TIMM8A: variants seen among roughly 807,000 people sequenced by gnomAD.
The protein encoded by TIMM8A is translocase of inner mitochondrial membrane 8A.
Under a neutral mutation model 6.8 loss-of-function variants are expected in TIMM8A, and 2 were observed. The ratio of observed to expected loss-of-function variants is 0.30; its 90% CI spans 0.12 to 0.93. TIMM8A has a LOEUF of 0.93. Ranked by LOEUF, TIMM8A falls within the 40% of genes least tolerant of loss-of-function variation. The pLI is 0.55. For synonymous variants in TIMM8A, 26 were observed against 28.5 expected, an observed-to-expected ratio of 0.91 and a Z score of 0.28; for missense variants, 34 against 75.2, an observed-to-expected ratio of 0.45 and a Z score of 2.02.
Position 101,346,475 on chromosome X carries a change from T to A in TIMM8A, c.*24A>T. 8.3e-7 allele frequency: 1 copy of A among 1,210,358 alleles called. No homozygotes were observed. Among genetic ancestry groups the A allele is most frequent in the Non-Finnish European group, 1.1e-6 (1 of 895,395 alleles). On this transcript the variant is annotated 3_prime_UTR_variant, in exon 2 of 2. Transcript: ENST00000372902. ...CTCTTCATTTCTTGAACTACCTTCCTTTTCCAAAGAGGTAATGCTGAGATC... is the reference window on the plus strand; with the variant it reads ...CTCTTCATTTCTTGAACTACCTTCCATTTCCAAAGAGGTAATGCTGAGATC...
intron 1 of TIMM8A, chrX:101,347,624 T>C (rs1555976256): frequency 9.0e-6 from 1 of 111,098 alleles, no homozygotes; most frequent in Non-Finnish European, 1.9e-5. Context: ...ATCACAGATA[T>C]TTTTAAAAAA....
chrX:101,346,870 T>C, intron 1 of TIMM8A: 2 of 380,761 alleles, frequency 5.3e-6, no homozygotes, highest in South Asian at 1.1e-4. Flanking sequence ...TACTATGGAA[T>C]AGATACTATT....
At chrX:101,347,244 G>A (rs989383789) in intron 1 of TIMM8A, 8 of 110,661 alleles carry the variant, frequency 7.2e-5, no homozygotes, top group African/African-American at 2.0e-4. Context: ...GTTCATCATA[G>A]CTTACAGTTT....
intron 1 of TIMM8A, 152 bp from the exon 2 acceptor site, chrX:101,346,812 C>A: frequency 4.0e-6 from 2 of 502,454 alleles, no homozygotes; most frequent in Non-Finnish European, 6.6e-6. Flanking sequence ...GGCAGCTGAC[C>A]AAGTATATAG....
At chrX:101,348,497 G>C (rs935479833) in intron 1 of TIMM8A, 36 bp downstream of exon 1, 2 of 1,205,698 alleles carry the variant, frequency 1.7e-6, no homozygotes, top group African/African-American at 3.6e-5. Context: ...AGGGAAAGTA[G>C]GTACAGTGTT....
At position 101,348,602 on chromosome X, in the gene TIMM8A, A is replaced by G. The variant is rs1157595722; in HGVS notation, c.63T>C (p.His21=). 2 of 1,208,862 alleles carry G rather than the reference A, an allele frequency of 1.7e-6. No individual in the cohort carries two copies. Among genetic ancestry groups the G allele is most frequent in the Non-Finnish European group, 2.2e-6 (2 of 894,537 alleles). The change falls in exon 1 of 2, where the codon CAT becomes CAC. Residue 21 remains histidine, a synonymous_variant. Coordinates refer to ENST00000372902, the MANE Select transcript of TIMM8A (RefSeq NM_004085.4). ...GLGAVDPQLQ[H]FIEVETQKQR... The stretch of plus-strand genomic sequence containing the variant: ...GCTTTTGAGTCTCTACCTCGATGAA[A>G]TGCTGCAACTGCGGGTCCACTGCAC...
chrX:101,348,089 AT>A, intron 1 of TIMM8A: 1 of 1,016,337 alleles, frequency 9.8e-7, no homozygotes, highest in Non-Finnish European at 1.2e-6. Flanking sequence ...GGAGCCACTC[AT>A]TTTTCAGCGG....
Position 101,346,062 on chromosome X carries a change from CA to C in TIMM8A, c.*436del, listed in dbSNP as rs1170988349. The C allele has an allele frequency of 1.2e-6, 1 of 805,643 alleles. No individual in the cohort carries two copies. Among genetic ancestry groups the C allele is most frequent in the East Asian group, 1.1e-4 (1 of 9,180 alleles). 66.4% of individuals were successfully genotyped at this position (805,643 alleles called of 1,213,427 possible). A position where few individuals can be genotyped will look rare whatever the true frequency, so the allele number is the denominator to read the frequency against. On this transcript the variant is annotated 3_prime_UTR_variant, in exon 2 of 2. Transcript: ENST00000372902. ...TTTTTCTCCAGCATTGACAATCAAA[CA>C]CTAGATAAGGATACCAAATTATTCT...
Sources: allele counts gnomAD v4.1 joint callset, GRCh38; gene constraint gnomAD v4.1.1; transcripts MANE v1.5; gene names NCBI Gene and HGNC (gene_info 2026-07-23, HGNC 2026-07-21).